TUSC3: variants seen among roughly 807,000 people sequenced by gnomAD.
TUSC3 encodes tumor suppressor candidate 3.
TUSC3 carries 45 observed loss-of-function variants against 44.8 expected under a neutral mutation model. The ratio of observed to expected loss-of-function variants is 1.00; its 90% CI spans 0.79 to 1.29. TUSC3 has a LOEUF of 1.29. Ranked by LOEUF, TUSC3 falls within the 50% of genes most tolerant of loss-of-function variation. The pLI is 0.00. For synonymous variants in TUSC3, 212 were observed against 152.9 expected (o/e 1.39, Z -2.85); for missense variants, 519 against 437.9 (o/e 1.19, Z -1.65).
rs1355239060 is a variant in TUSC3, at chr8:15,672,272, C to T, written c.709-1475C>T. On this transcript the variant is annotated intron_variant, in intron 5 of 10. Coordinates refer to ENST00000503731, the MANE Select transcript of TUSC3 (RefSeq NM_006765.4). ...GTATTGTGTGCAATTTTTAAATGCT[C>T]TACATGGATTAACCTACTTAAAACC... 2.6e-5 allele frequency among the ~76,000 whole-genome samples: 4 copies of T among 151,960 alleles called. No individual in the cohort carries two copies. The East Asian group carries it at 7.7e-4, about 29-fold the overall frequency.
intron 2 of TUSC3, among the ~76,000 whole-genome samples, chr8:15,510,568 T>TA (rs1314916088): frequency 3.3e-5 from 5 of 151,238 alleles, no homozygotes; most frequent in African/African-American, 4.9e-5. Flanking sequence ...ACTATATATA[T>TA]TTTTTTAAAT....
At chr8:15,536,189 A>G (rs1432040774), upstream of TUSC3, among the ~76,000 whole-genome samples, 2 of 152,218 alleles carry the variant, frequency 1.3e-5, no homozygotes, top group African/African-American at 2.4e-5. Flanking sequence ...TATTTGGGAA[A>G]GCAAGACAGC....
intron 6 of TUSC3, among the ~76,000 whole-genome samples, chr8:15,713,842 G>T (rs926420019): frequency 1.1e-4 from 16 of 152,080 alleles, no homozygotes; most frequent in Non-Finnish European, 1.9e-4. Context: ...ATTTTTGGGA[G>T]GGACTCAATT....
chr8:15,581,729 G>T (rs1218126326), intron 1 of TUSC3, among the ~76,000 whole-genome samples: 2,815 of 132,730 alleles, frequency 0.021, 109 homozygotes, highest in African/African-American at 0.07. Context: ...AAAGCTGTCA[G>T]ACAGGGACCC....
At chr8:15,770,474 T>G (rs912739064), downstream of TUSC3, among the ~76,000 whole-genome samples, 2 of 152,084 alleles carry the variant, frequency 1.3e-5, no homozygotes, top group Non-Finnish European at 2.9e-5. Flanking sequence ...GGTTGATGGA[T>G]GCAGCAAACC....
intron 1 of TUSC3, among the ~76,000 whole-genome samples, chr8:15,613,338 T>G (rs757748016): frequency 6.6e-6 from 1 of 152,114 alleles, no homozygotes; most frequent in Non-Finnish European, 1.5e-5. Context: ...AAATTCCCAC[T>G]GCAGATAATT....
intron 1 of TUSC3, among the ~76,000 whole-genome samples, chr8:15,546,301 A>G (rs976107386): frequency 5.9e-5 from 9 of 151,752 alleles, no homozygotes; most frequent in African/African-American, 2.2e-4. Context: ...ACAAATTTTA[A>G]CATTCTGGCA....
chr8:15,737,215 G>T (rs574345565), intron 7 of TUSC3, among the ~76,000 whole-genome samples: 1 of 149,398 alleles, frequency 6.7e-6, no homozygotes, highest in South Asian at 2.1e-4. Context: ...GAAAATTTTA[G>T]ATTTAGAATT....
intron 5 of TUSC3, among the ~76,000 whole-genome samples, chr8:15,667,136 TCC>T (rs1807696937): frequency 6.6e-6 from 1 of 151,624 alleles, no homozygotes; most frequent in Non-Finnish European, 1.5e-5. Flanking sequence ...ATCTCCTTAA[TCC>T]AACTCAATAG....
chr8:15,839,387 A>G, the TUSC3 span, among the ~76,000 whole-genome samples: 1 of 152,164 alleles, frequency 6.6e-6, no homozygotes, highest in Non-Finnish European at 1.5e-5. Flanking sequence ...CAGAACTCCA[A>G]CACTATGTTG....
the TUSC3 span, among the ~76,000 whole-genome samples, chr8:15,779,751 A>G: frequency 2.0e-5 from 3 of 152,200 alleles, no homozygotes; most frequent in Admixed American, 6.5e-5. Flanking sequence ...TCATCATTAT[A>G]TGTTTTACCA....
intron 1 of TUSC3, among the ~76,000 whole-genome samples, chr8:15,600,904 A>G (rs1804259997): frequency 6.6e-6 from 1 of 151,732 alleles, no homozygotes. Flanking sequence ...CAAATTGCAT[A>G]ATAATAATTG....
At chr8:15,781,211 C>G in the TUSC3 span, among the ~76,000 whole-genome samples, 3 of 152,298 alleles carry the variant, frequency 2.0e-5, no homozygotes, top group East Asian at 5.8e-4. Context: ...CTCTCCCAAG[C>G]TGGGTGCAGA....
chr8:15,468,751 A>G (rs1438385111), intron 1 of TUSC3, among the ~76,000 whole-genome samples: 6 of 152,174 alleles, frequency 3.9e-5, no homozygotes, highest in South Asian at 4.1e-4. Flanking sequence ...AACATTCTTT[A>G]TATTAGAAGT....
At chr8:15,498,440 C>T (rs1477499644) in intron 2 of TUSC3, among the ~76,000 whole-genome samples, 7 of 152,140 alleles carry the variant, frequency 4.6e-5, no homozygotes, top group African/African-American at 1.7e-4. Context: ...AGAACCGGAG[C>T]AGGGAAGCAC....
At chr8:15,484,749 A>T (rs1177516461) in intron 2 of TUSC3, among the ~76,000 whole-genome samples, 2 of 152,190 alleles carry the variant, frequency 1.3e-5, no homozygotes, top group Non-Finnish European at 2.9e-5. Context: ...TGCGCAAAGC[A>T]ATTTTAATAT....
intron 1 of TUSC3, among the ~76,000 whole-genome samples, chr8:15,564,161 G>C (rs1241534124): frequency 6.6e-6 from 1 of 151,902 alleles, no homozygotes; most frequent in Non-Finnish European, 1.5e-5. Flanking sequence ...TAATTTTTGT[G>C]ACTGGCACTT....
chr8:15,755,931 G>A (rs1055460369), intron 9 of TUSC3, among the ~76,000 whole-genome samples: 5 of 152,000 alleles, frequency 3.3e-5, no homozygotes, highest in Non-Finnish European at 1.5e-5. Flanking sequence ...GGCACTCTGT[G>A]CTCACAAAAG....
intron 1 of TUSC3, among the ~76,000 whole-genome samples, chr8:15,542,148 A>G (rs1451002369): frequency 1.3e-5 from 2 of 152,112 alleles, no homozygotes; most frequent in South Asian, 2.1e-4. Flanking sequence ...TAAGGTCTAC[A>G]TTGGTTTGAT....
Sources: allele counts gnomAD v4.1 joint callset (sites outside exome capture counted in the v4.1 genomes callset), GRCh38; gene constraint gnomAD v4.1.1; transcripts MANE v1.5; gene names NCBI Gene and HGNC (gene_info 2026-07-23, HGNC 2026-07-21).